The following TUBA1A variants were observed in gnomAD, a reference collection of about 807,000 sequenced individuals.
TUBA1A encodes the protein tubulin alpha 1a, also known as tubulin alpha-1A chain.
In TUBA1A, 7 loss-of-function variants were observed where a neutral mutation model predicts 34.6. That is an observed-to-expected ratio of 0.20 (90% CI 0.11 to 0.38). TUBA1A has a LOEUF of 0.38. Ranked by LOEUF, TUBA1A falls within the 10% of genes least tolerant of loss-of-function variation. The pLI, the probability that TUBA1A is intolerant of heterozygous loss-of-function variation, is 1.00. For missense variants in TUBA1A, 19 were observed against 581.3 expected, an observed-to-expected ratio of 0.03 and a Z score of 9.95; for synonymous variants, 193 against 210.2, an observed-to-expected ratio of 0.92 and a Z score of 0.71.
Position 49,188,763 on chromosome 12 carries a change from T to C in TUBA1A, c.3+214A>G. Reference sequence around the variant, plus strand: ...CCGCCTTTGTTCCTCCCCAGCGCTCTGCTGCGCCCTGGGCGCAGTACTGGC... The same window carrying C: ...CCGCCTTTGTTCCTCCCCAGCGCTCCGCTGCGCCCTGGGCGCAGTACTGGC... On this transcript the variant is annotated intron_variant, in intron 1 of 3. Transcript: ENST00000301071. This position sits in a 1 kb window ranked among gnomAD's most constrained non-coding sequence, Gnocchi z 4.9. 3 of 1,518,656 alleles carry C rather than the reference T, an allele frequency of 2.0e-6. No homozygotes were observed. Among genetic ancestry groups the C allele is most frequent in the Non-Finnish European group, 2.6e-6 (3 of 1,144,772 alleles). 94.1% of individuals were successfully genotyped at this position (1,518,656 alleles called of 1,614,324 possible).
Position 49,186,385 on chromosome 12 carries a change from G to A in TUBA1A, c.300C>T (p.Ala100=). The A allele has an allele frequency of 6.2e-7, 1 of 1,613,888 alleles. No homozygotes were observed. Among genetic ancestry groups the A allele is most frequent in the Non-Finnish European group, 8.5e-7 (1 of 1,180,034 alleles). ...TGTAGTGCCCTCGGGCATAGTTATT[G>A]GCAGCATCTTCTTTGCCTGTGATAA... ...EQLITGKEDA[A]NNYARGHYTI... The change falls in exon 3 of 4, where the codon GCC becomes GCT. Residue 100 remains alanine (A), a synonymous_variant. Transcript: ENST00000301071. The surrounding 1 kb of genome is among the most constrained non-coding windows in gnomAD (Gnocchi z 6.6).
In TUBA1A at chr12:49,186,116, T is replaced by A; in HGVS notation, c.376-126A>T. 1 of 1,519,558 alleles carries A rather than the reference T, an allele frequency of 6.6e-7. No individual in the cohort carries two copies. The highest frequency in any genetic ancestry group is 8.8e-7 in the Non-Finnish European group (1 of 1,130,620). 94.1% of individuals were successfully genotyped at this position (1,519,558 alleles called of 1,614,324 possible). On this transcript the variant is annotated intron_variant, in intron 3 of 3. Coordinates refer to ENST00000301071, the MANE Select transcript of TUBA1A (RefSeq NM_006009.4). This position sits in a 1 kb window ranked among gnomAD's most constrained non-coding sequence, Gnocchi z 6.6. ...AGATCTTATTTTGACAAATGCTTTT[T>A]AAAAAATTCTCATTAACATTTACAA...
Position 49,186,972 on chromosome 12 carries a change from A to G in TUBA1A, c.4-139T>C. ...GAGGTCATATCCCCAGCACGATACA[A>G]AGATTAAGGAAAATCACCTGCTACA... On this transcript the variant is annotated intron_variant, in intron 1 of 3. Coordinates refer to ENST00000301071, the MANE Select transcript of TUBA1A (RefSeq NM_006009.4). The surrounding 1 kb of genome is among the most constrained non-coding windows in gnomAD (Gnocchi z 6.6). 1 of 1,501,726 alleles carries G rather than the reference A, an allele frequency of 6.7e-7. No homozygotes were observed. The highest frequency in any genetic ancestry group is 8.8e-7 in the Non-Finnish European group (1 of 1,132,068). 93.0% of individuals were successfully genotyped at this position (1,501,726 alleles called of 1,614,324 possible).
In TUBA1A at chr12:49,188,984, G is replaced by C; in HGVS notation, c.-5C>G. On this transcript the variant is annotated 5_prime_UTR_variant, in exon 1 of 4. Transcript: ENST00000301071. The surrounding 1 kb of genome is among the most constrained non-coding windows in gnomAD (Gnocchi z 4.9). Reference sequence around the variant, plus strand: ...GCCGAAGCCGATTCTCACCATGGTTGCTGCTTCGCGACTGCCGAGCTGATG... The same window carrying C: ...GCCGAAGCCGATTCTCACCATGGTTCCTGCTTCGCGACTGCCGAGCTGATG... 1 of 1,614,262 alleles carries C rather than the reference G, an allele frequency of 6.2e-7. No individual in the cohort carries two copies. Among genetic ancestry groups the C allele is most frequent in the Non-Finnish European group, 8.5e-7 (1 of 1,180,054 alleles).
Position 49,186,881 on chromosome 12 carries a change from A to T in TUBA1A, c.4-48T>A. On this transcript the variant is annotated intron_variant, in intron 1 of 3. Transcript: ENST00000301071. This position sits in a 1 kb window ranked among gnomAD's most constrained non-coding sequence, Gnocchi z 6.6. Reference sequence around the variant, plus strand: ...AATCGTAAAATTAAGGTGTATTAGCATTTCAAACTTATAGGAAATTTCAAA... The same window carrying T: ...AATCGTAAAATTAAGGTGTATTAGCTTTTCAAACTTATAGGAAATTTCAAA... 6.2e-7 allele frequency: 1 copy of T among 1,612,638 alleles called. No homozygotes were observed. Among genetic ancestry groups the T allele is most frequent in the Non-Finnish European group, 8.5e-7 (1 of 1,179,502 alleles).
At chr12:49,187,453 C>G in intron 1 of TUBA1A, 1 of 987,486 alleles carries the variant, frequency 1.0e-6, no homozygotes, top group Non-Finnish European at 1.2e-6. Context: ...TACATGATCT[C>G]ATTGTGCTGT....
Position 49,188,436 on chromosome 12 carries a change from G to A in TUBA1A, c.3+541C>T, listed in dbSNP as rs1207393539. 1 of 1,535,924 alleles carries A rather than the reference G, an allele frequency of 6.5e-7. No individual in the cohort carries two copies. The highest frequency in any genetic ancestry group is 1.2e-5 in the South Asian group (1 of 84,050). Reference sequence around the variant, plus strand: ...ACTCACCATGTTTTCCCGGGAATGTGTGGGTATCTTTCCAAAACGCCAAAG... The same window carrying A: ...ACTCACCATGTTTTCCCGGGAATGTATGGGTATCTTTCCAAAACGCCAAAG... On this transcript the variant is annotated intron_variant, in intron 1 of 3. Transcript: ENST00000301071. This position sits in a 1 kb window ranked among gnomAD's most constrained non-coding sequence, Gnocchi z 4.9.
chr12:49,188,291 T>C lies in TUBA1A; in HGVS notation c.3+686A>G, dbSNP rs1455942741. On this transcript the variant is annotated intron_variant, in intron 1 of 3. Coordinates refer to ENST00000301071, the MANE Select transcript of TUBA1A (RefSeq NM_006009.4). This position sits in a 1 kb window ranked among gnomAD's most constrained non-coding sequence, Gnocchi z 4.9. The stretch of plus-strand genomic sequence containing the variant: ...TTTTGTTTTTTTTTCAGTCAGCTCC[T>C]GACAGAAGAGGTTCAGTGAGGGCGA... 5 of 1,451,928 alleles carry C rather than the reference T, an allele frequency of 3.4e-6. No homozygotes were observed. Among genetic ancestry groups the C allele is most frequent in the East Asian group, 2.6e-5 (1 of 38,192 alleles). 89.9% of individuals were successfully genotyped at this position (1,451,928 alleles called of 1,614,324 possible). A position where few individuals can be genotyped will look rare whatever the true frequency, so the allele number is the denominator to read the frequency against.
In TUBA1A at chr12:49,188,328, T is replaced by G. The variant is rs1366167018; in HGVS notation, c.3+649A>C. On this transcript the variant is annotated intron_variant, in intron 1 of 3. Coordinates refer to ENST00000301071, the MANE Select transcript of TUBA1A (RefSeq NM_006009.4). This position sits in a 1 kb window ranked among gnomAD's most constrained non-coding sequence, Gnocchi z 4.9. ...TTCAGTGAGGGCGAACCCCGCCCAG[T>G]GGCTCCAACGCCATAGAAGCCAGAA... The G allele has an allele frequency of 1.9e-5, 29 of 1,519,880 alleles. No individual in the cohort carries two copies. The highest frequency in any genetic ancestry group is 2.4e-5 in the Non-Finnish European group (27 of 1,135,922). The allele number at this position is 1,519,880 out of a possible 1,614,324, so 94.1% of individuals were successfully genotyped here. A position where few individuals can be genotyped will look rare whatever the true frequency, so the allele number is the denominator to read the frequency against.
chr12:49,187,013 T>C, intron 1 of TUBA1A, 180 bp from the exon 2 acceptor site: 1 of 1,474,448 alleles, frequency 6.8e-7, no homozygotes. Flanking sequence ...TGCATATGGG[T>C]GTGGTCTGAA....
At position 49,188,325 on chromosome 12, in the gene TUBA1A, C is replaced by T; in HGVS notation, c.3+652G>A. 6.6e-7 allele frequency: 1 copy of T among 1,518,898 alleles called. No individual in the cohort carries two copies. The highest frequency in any genetic ancestry group is 8.8e-7 in the Non-Finnish European group (1 of 1,135,110). The allele number at this position is 1,518,898 out of a possible 1,614,324, so 94.1% of individuals were successfully genotyped here. A position where few individuals can be genotyped will look rare whatever the true frequency, so the allele number is the denominator to read the frequency against. ...AGGTTCAGTGAGGGCGAACCCCGCC[C>T]AGTGGCTCCAACGCCATAGAAGCCA... On this transcript the variant is annotated intron_variant, in intron 1 of 3. Transcript: ENST00000301071. The surrounding 1 kb of genome is among the most constrained non-coding windows in gnomAD (Gnocchi z 4.9).
rs1942177212 is a variant in TUBA1A at position 49,186,051 on chromosome 12, A to G, written c.376-61T>C. The G allele has an allele frequency of 6.2e-7, 1 of 1,600,720 alleles. No individual in the cohort carries two copies. The highest frequency in any genetic ancestry group is 1.3e-5 in the African/African-American group (1 of 74,344). ...TTTTTATTCTTTGTAGTACAATCAT[A>G]GTAAATATATTTTCACTTTTCATAC... On this transcript the variant is annotated intron_variant, in intron 3 of 3. Coordinates refer to ENST00000301071, the MANE Select transcript of TUBA1A (RefSeq NM_006009.4). The surrounding 1 kb of genome is among the most constrained non-coding windows in gnomAD (Gnocchi z 6.6).
At position 49,188,341 on chromosome 12, in the gene TUBA1A, A is replaced by T. The variant is rs942629581; in HGVS notation, c.3+636T>A. 3.3e-6 allele frequency: 5 copies of T among 1,529,088 alleles called. No homozygotes were observed. The highest frequency in any genetic ancestry group is 1.7e-4 in the Middle Eastern group (1 of 5,956). The allele number at this position is 1,529,088 out of a possible 1,614,324, so 94.7% of individuals were successfully genotyped here. A position where few individuals can be genotyped will look rare whatever the true frequency, so the allele number is the denominator to read the frequency against. ...AACCCCGCCCAGTGGCTCCAACGCC[A>T]TAGAAGCCAGAAACAAACAACCCCG... On this transcript the variant is annotated intron_variant, in intron 1 of 3. Coordinates refer to ENST00000301071, the MANE Select transcript of TUBA1A (RefSeq NM_006009.4). The surrounding 1 kb of genome is among the most constrained non-coding windows in gnomAD (Gnocchi z 4.9).
chr12:49,186,263 T>C lies in TUBA1A; in HGVS notation c.375+47A>G, dbSNP rs1291353700. ...GAAAAAAAAAGCATTATTTCAAATG[T>C]GTTCTTTAGGCTCATTAATTTACTT... On this transcript the variant is annotated intron_variant, in intron 3 of 3. Coordinates refer to ENST00000301071, the MANE Select transcript of TUBA1A (RefSeq NM_006009.4). The surrounding 1 kb of genome is among the most constrained non-coding windows in gnomAD (Gnocchi z 6.6). 1 of 1,612,422 alleles carries C rather than the reference T, an allele frequency of 6.2e-7. No individual in the cohort carries two copies. Among genetic ancestry groups the C allele is most frequent in the South Asian group, 1.1e-5 (1 of 91,002 alleles).
In TUBA1A at chr12:49,186,642, T is replaced by A. The variant is rs1438753464; in HGVS notation, c.195A>T (p.Ala65=). ...CTGTGGGTTCCAAGTCTACAAACACTGCCCGGGGCACATGCTTGCCAGCCC... is the reference window on the plus strand; with the variant it reads ...CTGTGGGTTCCAAGTCTACAAACACAGCCCGGGGCACATGCTTGCCAGCCC... ...ETGAGKHVPR[A]VFVDLEPTVI... is the part of the protein sequence containing the mutation. The change falls in exon 2 of 4, where the codon GCA becomes GCT. Residue 65 remains alanine (A), a synonymous_variant. Transcript: ENST00000301071. The surrounding 1 kb of genome is among the most constrained non-coding windows in gnomAD (Gnocchi z 6.6). 3.7e-6 allele frequency: 6 copies of A among 1,614,062 alleles called. No homozygotes were observed. Among genetic ancestry groups the A allele is most frequent in the Non-Finnish European group, 5.1e-6 (6 of 1,180,030 alleles).
rs551716654 is a variant in TUBA1A, at chr12:49,186,885, C to T, written c.4-52G>A. 2.0e-5 allele frequency: 32 copies of T among 1,611,226 alleles called. No individual in the cohort carries two copies. In the South Asian group the frequency reaches 3.4e-4, roughly 17 times the overall value. Reference sequence around the variant, plus strand: ...GTAAAATTAAGGTGTATTAGCATTTCAAACTTATAGGAAATTTCAAAAATA... The same window carrying T: ...GTAAAATTAAGGTGTATTAGCATTTTAAACTTATAGGAAATTTCAAAAATA... On this transcript the variant is annotated intron_variant, in intron 1 of 3. Transcript: ENST00000301071. The surrounding 1 kb of genome is among the most constrained non-coding windows in gnomAD (Gnocchi z 6.6).
Position 49,188,088 on chromosome 12 carries a change from A to ACG in TUBA1A, c.3+888_3+889insCG. On this transcript the variant is annotated intron_variant, in intron 1 of 3. Coordinates refer to ENST00000301071, the MANE Select transcript of TUBA1A (RefSeq NM_006009.4). The surrounding 1 kb of genome is among the most constrained non-coding windows in gnomAD (Gnocchi z 4.9). ...CAGGGCGTCCCACAGACACACACAC[A>ACG]CACACACACACACACACACACACAC... The ACG allele has an allele frequency of 1.0e-6, 1 of 962,358 alleles. No homozygotes were observed. The highest frequency in any genetic ancestry group is 1.2e-6 in the Non-Finnish European group (1 of 809,376). The allele number at this position is 962,358 out of a possible 1,614,324, so 59.6% of individuals were successfully genotyped here.
In TUBA1A at chr12:49,188,232, T is replaced by G. The variant is rs546216160; in HGVS notation, c.3+745A>C. The G allele has an allele frequency of 1.0e-6, 1 of 985,332 alleles. No individual in the cohort carries two copies. Among genetic ancestry groups the G allele is most frequent in the South Asian group, 4.7e-5 (1 of 21,286 alleles). 61.0% of individuals were successfully genotyped at this position (985,332 alleles called of 1,614,324 possible). A position where few individuals can be genotyped will look rare whatever the true frequency, so the allele number is the denominator to read the frequency against. ...ACTTATAATAGTGAAGAAAACCCTTTTGGAGCCTACAGTTCCGCAATGATG... is the reference window on the plus strand; with the variant it reads ...ACTTATAATAGTGAAGAAAACCCTTGTGGAGCCTACAGTTCCGCAATGATG... On this transcript the variant is annotated intron_variant, in intron 1 of 3. Coordinates refer to ENST00000301071, the MANE Select transcript of TUBA1A (RefSeq NM_006009.4). The surrounding 1 kb of genome is among the most constrained non-coding windows in gnomAD (Gnocchi z 4.9).
rs1414866229 is a variant in TUBA1A, at chr12:49,188,944, C to T, written c.3+33G>A. 1 of 1,614,202 alleles carries T rather than the reference C, an allele frequency of 6.2e-7. No homozygotes were observed. The highest frequency in any genetic ancestry group is 8.5e-7 in the Non-Finnish European group (1 of 1,180,046). ...AGAGCCTGGGGGCGCTGACTCCACC[C>T]AACGGCCACAAAGAGCCGAAGCCGA... is the stretch of plus-strand genomic sequence containing the variant. On this transcript the variant is annotated intron_variant, in intron 1 of 3. Coordinates refer to ENST00000301071, the MANE Select transcript of TUBA1A (RefSeq NM_006009.4). The surrounding 1 kb of genome is among the most constrained non-coding windows in gnomAD (Gnocchi z 4.9).
Sources: allele counts gnomAD v4.1 joint callset, GRCh38; gene constraint gnomAD v4.1.1; non-coding constraint Gnocchi (gnomAD v3.1); transcripts MANE v1.5; gene names NCBI Gene and HGNC (gene_info 2026-07-23, HGNC 2026-07-21).